Variants in TBXAS1 observed in about 807,000 individuals in gnomAD.
The protein encoded by TBXAS1 is thromboxane-A synthase.
A neutral mutation model predicts 60.7 loss-of-function variants in TBXAS1; 48 were observed. The observed-to-expected ratio is 0.79, with a 90% CI of 0.63 to 1.01. The LOEUF (loss-of-function observed/expected upper bound fraction) is 1.01, where lower values mean the gene tolerates loss of function less well. Ranked by LOEUF, TBXAS1 falls within the 50% of genes least tolerant of loss-of-function variation. The pLI is 0.00. For synonymous variants in TBXAS1, 287 were observed against 269.7 expected, an observed-to-expected ratio of 1.06 and a Z score of -0.63; for missense variants, 685 against 686.3, an observed-to-expected ratio of 1.00 and a Z score of 0.02.
At chr7:139,851,289 C>T (rs1800195374) in intron 1 of TBXAS1, among the ~76,000 whole-genome samples, 1 of 152,190 alleles carries the variant, frequency 6.6e-6, no homozygotes, top group South Asian at 2.1e-4. Flanking sequence ...TGGGCCAGTT[C>T]CTGTGGCCGG....
intron 1 of TBXAS1, among the ~76,000 whole-genome samples, chr7:139,830,090 C>T (rs1485930103): frequency 2.0e-5 from 3 of 152,012 alleles, no homozygotes; most frequent in Non-Finnish European, 4.4e-5. Context: ...CGAGTTGCTC[C>T]CCTGTGGTTT....
At chr7:139,838,772 G>A in intron 1 of TBXAS1, among the ~76,000 whole-genome samples, 1 of 152,226 alleles carries the variant, frequency 6.6e-6, no homozygotes, top group Non-Finnish European at 1.5e-5. Flanking sequence ...GATTTAAACC[G>A]ACCAGTGTGT....
chr7:139,858,974 C>T (rs1800773887), intron 1 of TBXAS1, among the ~76,000 whole-genome samples: 1 of 151,990 alleles, frequency 6.6e-6, no homozygotes, highest in Admixed American at 6.6e-5. Context: ...GTTCAAGTGA[C>T]TCACCTGCCT....
intron 9 of TBXAS1, among the ~76,000 whole-genome samples, chr7:139,994,906 A>T (rs141931887): frequency 6.6e-6 from 1 of 152,162 alleles, no homozygotes; most frequent in Non-Finnish European, 1.5e-5. Context: ...CGGGCATCCC[A>T]CCTGACGACA....
chr7:139,816,369 C>T (rs1007959942), intron 4 of TBXAS1, among the ~76,000 whole-genome samples: 3 of 152,228 alleles, frequency 2.0e-5, no homozygotes, highest in African/African-American at 2.4e-5. Context: ...GAAATTCATA[C>T]AGAATCGAAA....
In TBXAS1 at chr7:139,916,604, T is replaced by C. The variant is rs1805996104; in HGVS notation, c.333+5283T>C. Among the ~76,000 whole-genome samples, 1 of 152,214 alleles carries C rather than the reference T, an allele frequency of 6.6e-6. No homozygotes were observed. Among genetic ancestry groups the C allele is most frequent in the Non-Finnish European group, 1.5e-5 (1 of 68,020 alleles). On this transcript the variant is annotated intron_variant, in intron 4 of 12. Coordinates refer to ENST00000448866, the MANE Select transcript of TBXAS1 (RefSeq NM_001061.7). This position sits in a 1 kb window ranked among gnomAD's most constrained non-coding sequence, Gnocchi z 4.2. ...CTGCTTCACTCGCTCTCCACACAGC[T>C]GTGAACATTGCAGGATGAGTCACTG...
chr7:139,913,360 C>T lies in TBXAS1; in HGVS notation c.333+2039C>T. On this transcript the variant is annotated intron_variant, in intron 4 of 12. Coordinates refer to ENST00000448866, the MANE Select transcript of TBXAS1 (RefSeq NM_001061.7). ...GTGCTGATTAAAGAAGTTGGAGAAG[C>T]CAATAAGTCAAAGTGCACGGACCAC... 6 of 542,976 alleles carry T rather than the reference C, an allele frequency of 1.1e-5. No individual in the cohort carries two copies. In the South Asian group the frequency reaches 1.4e-4, roughly 13 times the overall value. The allele number at this position is 542,976 out of a possible 1,614,324, so 33.6% of individuals were successfully genotyped here.
At chr7:139,950,207 A>AT (rs1403484337) in intron 5 of TBXAS1, among the ~76,000 whole-genome samples, 1 of 151,608 alleles carries the variant, frequency 6.6e-6, no homozygotes, top group Non-Finnish European at 1.5e-5. Flanking sequence ...TAATTTTTAT[A>AT]TTTTTAGTAG....
intron 4 of TBXAS1, among the ~76,000 whole-genome samples, chr7:139,806,193 C>T (rs1797871263): frequency 6.6e-6 from 1 of 151,948 alleles, no homozygotes. Flanking sequence ...CCTGCCTCAG[C>T]CTCCCAAAAT....
In TBXAS1 at chr7:139,916,226, T is replaced by C. The variant is rs541146398; in HGVS notation, c.333+4905T>C. On this transcript the variant is annotated intron_variant, in intron 4 of 12. Coordinates refer to ENST00000448866, the MANE Select transcript of TBXAS1 (RefSeq NM_001061.7). The surrounding 1 kb of genome is among the most constrained non-coding windows in gnomAD (Gnocchi z 4.2). ...CACAACCAGAGGCAGAACTTCTTGT[T>C]CTTGGCCTCCTATCAAGGCCTAGAG... Among the ~76,000 whole-genome samples, 3 of 152,306 alleles carry C rather than the reference T, an allele frequency of 2.0e-5. No homozygotes were observed. The South Asian group carries it at 6.2e-4, about 32-fold the overall frequency.
At chr7:139,893,691 A>G (rs1803840615) in intron 3 of TBXAS1, among the ~76,000 whole-genome samples, 1 of 152,162 alleles carries the variant, frequency 6.6e-6, no homozygotes, top group Non-Finnish European at 1.5e-5. Context: ...GTCCTTCAGG[A>G]TTTCTGCACA....
chr7:139,935,285 T>G (rs925081080), intron 4 of TBXAS1, among the ~76,000 whole-genome samples: 1 of 152,252 alleles, frequency 6.6e-6, no homozygotes, highest in Non-Finnish European at 1.5e-5. Flanking sequence ...TTCTGTATGC[T>G]TTAAATCAGC....
At chr7:139,887,810 C>T (rs1803235692) in intron 3 of TBXAS1, among the ~76,000 whole-genome samples, 2 of 152,226 alleles carry the variant, frequency 1.3e-5, no homozygotes, top group Non-Finnish European at 2.9e-5. Context: ...TGCCAGATCA[C>T]AGAGTAAATC....
chr7:139,778,345 C>G (rs1025961123), upstream of TBXAS1: 3 of 152,372 alleles, frequency 2.0e-5, no homozygotes, highest in African/African-American at 7.4e-5. This position sits in a 1 kb window ranked among gnomAD's most constrained non-coding sequence, Gnocchi z 4.8. Flanking sequence ...TGTGTGTGCA[C>G]GCGCGCGCGT....
chr7:139,873,608 A>G (rs983781737), intron 2 of TBXAS1, among the ~76,000 whole-genome samples: 3 of 152,220 alleles, frequency 2.0e-5, no homozygotes, highest in African/African-American at 7.2e-5. Flanking sequence ...GTTGACAGAA[A>G]TAAAACGTTG....
Position 139,949,418 on chromosome 7 carries a change from G to A in TBXAS1, c.451-3950G>A, listed in dbSNP as rs368601028. Among the ~76,000 whole-genome samples, 77 of 152,320 alleles carry A rather than the reference G, an allele frequency of 5.1e-4. 1 individual carries two copies. In the East Asian group the frequency reaches 8.9e-3, roughly 18 times the overall value. On this transcript the variant is annotated intron_variant, in intron 5 of 12. Transcript: ENST00000448866. ...AGGTTTATGGGATTTTATTAAACTA[G>A]GATTCAGTTGTACCACTAAACTTAT...
intron 1 of TBXAS1, among the ~76,000 whole-genome samples, chr7:139,836,437 C>T: frequency 6.6e-6 from 1 of 152,176 alleles, no homozygotes; most frequent in East Asian, 1.9e-4. Flanking sequence ...CCCATCATCA[C>T]CCAAACAGCA....
rs1569522262 is a variant in TBXAS1 at position 139,984,637 on chromosome 7, A to AGG, written c.1134+22405_1134+22406insGG. Among the ~76,000 whole-genome samples the AGG allele has an allele frequency of 7.2e-4, 93 of 128,538 alleles. 3 individuals carry two copies. Among genetic ancestry groups the AGG allele is most frequent in the Admixed American group, 2.3e-3 (27 of 11,978 alleles). 84.3% of individuals were successfully genotyped at this position (128,538 alleles called of 152,430 possible). A position where few individuals can be genotyped will look rare whatever the true frequency, so the allele number is the denominator to read the frequency against. On this transcript the variant is annotated intron_variant, in intron 9 of 12. Coordinates refer to ENST00000448866, the MANE Select transcript of TBXAS1 (RefSeq NM_001061.7). ...GAAAGAGAGAGAGAGAGAGAGAGAG[A>AGG]GAGAGAAAGAAAGAAAGGGAAGGGG...
chr7:140,001,234 G>A (rs1813651877), intron 9 of TBXAS1, among the ~76,000 whole-genome samples: 1 of 152,188 alleles, frequency 6.6e-6, no homozygotes, highest in Non-Finnish European at 1.5e-5. Context: ...GAACCCTGGG[G>A]GATGGCTTTT....
Sources: gnomAD v4.1 joint callset for allele counts (sites outside exome capture counted in the v4.1 genomes callset) on GRCh38, gnomAD v4.1.1 for gene constraint, Gnocchi (gnomAD v3.1) non-coding constraint, MANE v1.5 for transcripts, NCBI Gene and HGNC (gene_info 2026-07-23, HGNC 2026-07-21) for gene names.